The following SCN1A variants were observed in gnomAD, a reference collection of about 807,000 sequenced individuals.
SCN1A encodes the protein sodium voltage-gated channel alpha subunit 1.
Under a neutral mutation model 193.7 loss-of-function variants are expected in SCN1A, and 13 were observed. The observed-to-expected ratio is 0.07, with a 90% CI of 0.04 to 0.11. SCN1A has a LOEUF of 0.11. Among genes scored for constraint, SCN1A ranks in the 10% least tolerant of loss-of-function variants. SCN1A has a pLI of 1.00. For missense variants in SCN1A, 1,432 were observed against 2,451.1 expected (o/e 0.58, Z 8.78); for synonymous variants, 781 against 843.6 (o/e 0.93, Z 1.29).
At chr2:166,051,012 T>G (rs1009846597) in intron 9 of SCN1A, among the ~76,000 whole-genome samples, 2 of 151,966 alleles carry the variant, frequency 1.3e-5, no homozygotes, top group African/African-American at 4.8e-5. Flanking sequence ...GTAATTAATG[T>G]ATAATGAGTT....
At chr2:166,091,680 T>C (rs1559316727) in intron 2 of SCN1A, among the ~76,000 whole-genome samples, 1 of 152,230 alleles carries the variant, frequency 6.6e-6, no homozygotes, top group Non-Finnish European at 1.5e-5. Context: ...TCCCTATGGC[T>C]CAGGAAGGCA....
rs1688979576 is a variant in SCN1A, at chr2:165,990,458, A to G, written c.*787T>C. 1 of 152,484 alleles carries G rather than the reference A, an allele frequency of 6.6e-6. No individual in the cohort carries two copies. Among genetic ancestry groups the G allele is most frequent in the African/African-American group, 2.4e-5 (1 of 41,396 alleles). The allele number at this position is 152,484 out of a possible 1,614,324, so 9.4% of individuals were successfully genotyped here. On this transcript the variant is annotated 3_prime_UTR_variant, in exon 29 of 29. Coordinates refer to ENST00000674923, the MANE Select transcript of SCN1A (RefSeq NM_001165963.4). ...TTTTAATACAACAAAAAGAAACATA[A>G]CATTTATGACTCCAAACATTTGAAT...
In SCN1A at chr2:165,996,054, A is replaced by T. The variant is rs770761607; in HGVS notation, c.4540T>A (p.Leu1514Ile). 3.7e-6 allele frequency: 6 copies of T among 1,609,440 alleles called. No homozygotes were observed. The highest frequency in any genetic ancestry group is 4.2e-6 in the Non-Finnish European group (5 of 1,177,108). Residue 1514 changes from leucine to isoleucine, a missense_variant, in exon 27 of 29, where the codon TTA becomes ATA. Physicochemically the swap from Leu to Ile is conservative, Grantham distance 5. Around this residue, in one of 18 missense-constraint regions of SCN1A, gnomAD observed 85 missense variants for 119.1 expected, o/e 0.71. Coordinates refer to ENST00000674923, the MANE Select transcript of SCN1A (RefSeq NM_001165963.4). Reference sequence around the variant, plus strand: ...GGCTTTTGCGGTTTTTTCGATCCTAATTTTTTCATTGCATTATAGTATTTC... The same window carrying T: ...GGCTTTTGCGGTTTTTTCGATCCTATTTTTTTCATTGCATTATAGTATTTC... ...QKKYYNAMKK[L>I]GSKKPQKPIP...
chr2:166,088,776 C>T (rs1037181163), intron 2 of SCN1A, among the ~76,000 whole-genome samples: 2 of 152,096 alleles, frequency 1.3e-5, no homozygotes, highest in Non-Finnish European at 2.9e-5. Flanking sequence ...TGATTTGTTG[C>T]GACAACTGTT....
chr2:166,039,374 G>C, intron 17 of SCN1A, 49 bp downstream of exon 17: 1 of 1,580,058 alleles, frequency 6.3e-7, no homozygotes, highest in Non-Finnish European at 8.6e-7. Flanking sequence ...CAAGAACCCT[G>C]ATTGTTAGAA....
At chr2:166,093,256 A>T (rs1687016491) in intron 2 of SCN1A, among the ~76,000 whole-genome samples, 1 of 151,260 alleles carries the variant, frequency 6.6e-6, no homozygotes, top group South Asian at 2.1e-4. Context: ...GGCTGTGTTG[A>T]TATGTTTCTG....
chr2:166,047,036 C>A (rs1697925011), intron 11 of SCN1A, 60 bp from the exon 12 acceptor site: 2 of 1,574,658 alleles, frequency 1.3e-6, no homozygotes, highest in Admixed American at 3.4e-5. Flanking sequence ...GTGGCTTCAA[C>A]TTTCAATTTA....
chr2:166,140,542 T>C (rs947624708), intron 1 of SCN1A, among the ~76,000 whole-genome samples: 1 of 152,194 alleles, frequency 6.6e-6, no homozygotes, highest in African/African-American at 2.4e-5. Flanking sequence ...TGAAAGAATA[T>C]AACTATGTTT....
intron 19 of SCN1A, among the ~76,000 whole-genome samples, chr2:166,023,437 A>C (rs926699113): frequency 6.6e-6 from 1 of 152,240 alleles, no homozygotes; most frequent in Non-Finnish European, 1.5e-5. Flanking sequence ...TGCTCAAATA[A>C]TTCTTCCTTT....
Position 165,991,190 on chromosome 2 carries a change from T to A in SCN1A, c.*55A>T. The A allele has an allele frequency of 4.7e-6, 7 of 1,483,726 alleles. No individual in the cohort carries two copies. The highest frequency in any genetic ancestry group is 6.4e-6 in the Non-Finnish European group (7 of 1,088,592). 91.9% of individuals were successfully genotyped at this position (1,483,726 alleles called of 1,614,324 possible). The stretch of plus-strand genomic sequence containing the variant: ...AAGGAGTCCTGTTGATAAAAATACA[T>A]CACCTTCACAGGCTGTAAACAATTT... On this transcript the variant is annotated 3_prime_UTR_variant, in exon 29 of 29. Transcript: ENST00000674923.
chr2:165,995,026 C>T (rs1689827147), intron 27 of SCN1A, among the ~76,000 whole-genome samples: 1 of 151,910 alleles, frequency 6.6e-6, no homozygotes, highest in East Asian at 1.9e-4. Context: ...AATGACATTT[C>T]CTATATGTTT....
intron 4 of SCN1A, among the ~76,000 whole-genome samples, chr2:166,061,453 A>T (rs1445022557): frequency 6.6e-6 from 1 of 152,172 alleles, no homozygotes; most frequent in African/African-American, 2.4e-5. Context: ...CTGTTAAAGG[A>T]CACAAAATTA....
At chr2:166,074,806 T>G (rs1466417662) in intron 3 of SCN1A, among the ~76,000 whole-genome samples, 4 of 152,086 alleles carry the variant, frequency 2.6e-5, no homozygotes, top group Admixed American at 6.6e-5. Flanking sequence ...AATAAGAAAA[T>G]TGCAGGCATA....
At chr2:166,054,195 A>G (rs7602046) in intron 7 of SCN1A, among the ~76,000 whole-genome samples, 100,713 of 151,382 alleles carry the variant, frequency 0.67, 33,919 homozygotes, top group East Asian at 0.89. Context: ...ACTTACTTTC[A>G]ATTATTTTAC....
rs1295395910 is a variant in SCN1A, at chr2:165,986,892, C to G, written c.*4353G>C. The G allele has an allele frequency of 6.6e-6, 1 of 151,948 alleles. No homozygotes were observed. Among genetic ancestry groups the G allele is most frequent in the Non-Finnish European group, 1.5e-5 (1 of 67,944 alleles). 9.4% of individuals were successfully genotyped at this position (151,948 alleles called of 1,614,324 possible). On this transcript the variant is annotated 3_prime_UTR_variant, in exon 29 of 29. Coordinates refer to ENST00000674923, the MANE Select transcript of SCN1A (RefSeq NM_001165963.4). ...CATTTTCAGAGAATAAGAACATTTT[C>G]TATTTTCATGGAACAGGCACACTAG...
At chr2:166,081,050 C>T (rs891634560) in intron 2 of SCN1A, among the ~76,000 whole-genome samples, 1 of 151,650 alleles carries the variant, frequency 6.6e-6, no homozygotes, top group Non-Finnish European at 1.5e-5. Context: ...CTCTGTTTCC[C>T]GTAGAAGAGG....
At chr2:166,081,390 T>G (rs562679224) in intron 2 of SCN1A, 1 of 152,052 alleles carries the variant, frequency 6.6e-6, no homozygotes, top group African/African-American at 2.4e-5. Context: ...AGTAAATCAT[T>G]ATGTAGTTTC....
chr2:166,113,954 T>C (rs1689574800), intron 2 of SCN1A, among the ~76,000 whole-genome samples: 1 of 152,196 alleles, frequency 6.6e-6, no homozygotes, highest in African/African-American at 2.4e-5. Flanking sequence ...AATGTGATCC[T>C]TGGATCTCAT....
intron 1 of SCN1A, among the ~76,000 whole-genome samples, chr2:166,143,253 G>A (rs1198662626): frequency 2.1e-5 from 3 of 141,966 alleles, no homozygotes; most frequent in African/African-American, 5.3e-5. Flanking sequence ...TGCAAGCTCC[G>A]CCTCCCGGGT....
Sources: gnomAD v4.1 joint callset for allele counts (sites outside exome capture counted in the v4.1 genomes callset) on GRCh38, gnomAD v4.1.1 for gene constraint, gnomAD v4.1.1 regional missense constraint, MANE v1.5 for transcripts, NCBI Gene and HGNC (gene_info 2026-07-23, HGNC 2026-07-21) for gene names.